The following LMO3 variants were observed in gnomAD, a reference collection of about 807,000 sequenced individuals.
The protein encoded by LMO3 is LIM domain only protein 3.
A neutral mutation model predicts 15.8 loss-of-function variants in LMO3; 2 were observed. The observed-to-expected ratio is 0.13, with a 90% CI of 0.05 to 0.40. The LOEUF (loss-of-function observed/expected upper bound fraction) is 0.40, where lower values mean the gene tolerates loss of function less well. LMO3 is among the 10% of genes least tolerant of loss of function. The probability of loss-of-function intolerance (pLI) is 0.99; values close to 1 mark genes in which losing one functional copy is unlikely to be tolerated. For missense variants in LMO3, 86 were observed against 182.2 expected (o/e 0.47, Z 3.04); for synonymous variants, 62 against 63.8 (o/e 0.97, Z 0.13).
At chr12:16,561,033 C>T (rs898896722) in intron 2 of LMO3, among the ~76,000 whole-genome samples, 4 of 152,106 alleles carry the variant, frequency 2.6e-5, no homozygotes, top group Non-Finnish European at 2.9e-5. Flanking sequence ...AACATAGAGG[C>T]GCATGCATGC....
chr12:16,552,283 G>C (rs1942017933), intron 3 of LMO3, among the ~76,000 whole-genome samples: 1 of 152,022 alleles, frequency 6.6e-6, no homozygotes, highest in Non-Finnish European at 1.5e-5. Context: ...GTCTGGTAGA[G>C]TTGACCCAGT....
chr12:16,557,432 T>C (rs1942233407), intron 3 of LMO3, among the ~76,000 whole-genome samples: 1 of 151,656 alleles, frequency 6.6e-6, no homozygotes, highest in African/African-American at 2.4e-5. Flanking sequence ...GAATGCGTAG[T>C]TTTGTAGATT....
intron 2 of LMO3, among the ~76,000 whole-genome samples, chr12:16,567,895 G>A (rs1007657870): frequency 2.0e-5 from 3 of 152,106 alleles, no homozygotes; most frequent in Admixed American, 6.5e-5. Context: ...CCTAAGATCC[G>A]CCAACCACTA....
Position 16,591,274 on chromosome 12 carries a change from T to A in LMO3, c.206+9381A>T, listed in dbSNP as rs1216370929. 6.6e-6 allele frequency among the ~76,000 whole-genome samples: 1 copy of A among 151,996 alleles called. No individual in the cohort carries two copies. The highest frequency in any genetic ancestry group is 1.5e-5 in the Non-Finnish European group (1 of 67,954). On this transcript the variant is annotated intron_variant, in intron 2 of 3. Coordinates refer to ENST00000537304, the MANE Select transcript of LMO3 (RefSeq NM_018640.5). The surrounding 1 kb of genome is among the most constrained non-coding windows in gnomAD (Gnocchi z 4.1). ...CCCACCTCAGGGCCTTTGTACTGGA[T>A]GTTCCTGAGCCCAGAATGTCCTTCC...
At position 16,591,793 on chromosome 12, in the gene LMO3, C is replaced by T. The variant is rs955622683; in HGVS notation, c.206+8862G>A. Among the ~76,000 whole-genome samples, 1 of 152,020 alleles carries T rather than the reference C, an allele frequency of 6.6e-6. No individual in the cohort carries two copies. The highest frequency in any genetic ancestry group is 1.5e-5 in the Non-Finnish European group (1 of 67,976). ...TGCACCCAAAATATAACCCGTGAAG[C>T]TCAAAGCTCAGCTTTCATAAGAGGA... is the stretch of plus-strand genomic sequence containing the variant. On this transcript the variant is annotated intron_variant, in intron 2 of 3. Coordinates refer to ENST00000537304, the MANE Select transcript of LMO3 (RefSeq NM_018640.5). The surrounding 1 kb of genome is among the most constrained non-coding windows in gnomAD (Gnocchi z 4.1).
chr12:16,608,086 T>G (rs1944061534), upstream of LMO3: 1 of 152,584 alleles, frequency 6.6e-6, no homozygotes, highest in Non-Finnish European at 1.5e-5. This position sits in a 1 kb window ranked among gnomAD's most constrained non-coding sequence, Gnocchi z 4.1. Context: ...TCCCCACTGT[T>G]CTACCCCACC....
chr12:16,558,211 A>G (rs1030973822), intron 3 of LMO3, among the ~76,000 whole-genome samples: 2 of 152,102 alleles, frequency 1.3e-5, no homozygotes, highest in African/African-American at 4.8e-5. Flanking sequence ...TTTGTCCTAT[A>G]GACATAGGAA....
Position 16,587,308 on chromosome 12 carries a change from C to G in LMO3, c.206+13347G>C, listed in dbSNP as rs564927055. Among the ~76,000 whole-genome samples the G allele has an allele frequency of 2.6e-5, 4 of 152,162 alleles. No individual in the cohort carries two copies. Among genetic ancestry groups the G allele is most frequent in the Non-Finnish European group, 5.9e-5 (4 of 68,018 alleles). ...AATGCTAACAATTTGTTACGCACTGCAGTGTTACAGCTTTCTAAATGGTAA... is the reference window on the plus strand; with the variant it reads ...AATGCTAACAATTTGTTACGCACTGGAGTGTTACAGCTTTCTAAATGGTAA... On this transcript the variant is annotated intron_variant, in intron 2 of 3. Coordinates refer to ENST00000537304, the MANE Select transcript of LMO3 (RefSeq NM_018640.5). This position sits in a 1 kb window ranked among gnomAD's most constrained non-coding sequence, Gnocchi z 4.3.
In LMO3 at chr12:16,562,345, T is replaced by C. The variant is rs1423271183; in HGVS notation, c.207-1807A>G. Reference sequence around the variant, plus strand: ...AAAAACTTAAAAGTTCTTTATTCAATGAATATAGATATACTTGTGTATATA... The same window carrying C: ...AAAAACTTAAAAGTTCTTTATTCAACGAATATAGATATACTTGTGTATATA... On this transcript the variant is annotated intron_variant, in intron 2 of 3. Coordinates refer to ENST00000537304, the MANE Select transcript of LMO3 (RefSeq NM_018640.5). Among the ~76,000 whole-genome samples, 3 of 152,224 alleles carry C rather than the reference T, an allele frequency of 2.0e-5. No homozygotes were observed. In the East Asian group the frequency reaches 5.8e-4, roughly 29 times the overall value.
chr12:16,569,652 A>G (rs866340368), intron 2 of LMO3, among the ~76,000 whole-genome samples: 6 of 152,210 alleles, frequency 3.9e-5, no homozygotes, highest in African/African-American at 4.8e-5. Flanking sequence ...TTGTACCAAC[A>G]TTTCATAGAA....
upstream of LMO3, chr12:16,610,071 C>CAAATGAAA (rs1944094417): frequency 6.6e-6 from 1 of 152,056 alleles, no homozygotes; most frequent in Non-Finnish European, 1.5e-5. Context: ...CATCACTCTT[C>CAAATGAAA]GAAATTCAGC....
At chr12:16,566,011 TATATATATATATATATA>T (rs1257253178) in intron 2 of LMO3, among the ~76,000 whole-genome samples, 1 of 76,732 alleles carries the variant, frequency 1.3e-5, no homozygotes, top group African/African-American at 4.6e-5. Context: ...TATATATATA[TATATATATATATATATA>T]TATATATATA....
chr12:16,575,130 A>G (rs1472457694), intron 2 of LMO3, among the ~76,000 whole-genome samples: 1 of 152,360 alleles, frequency 6.6e-6, no homozygotes, highest in Non-Finnish European at 1.5e-5. Context: ...CTTCCAAGTT[A>G]TAATCTAAAC....
upstream of LMO3, chr12:16,607,815 A>G (rs1293362821): frequency 1.3e-5 from 2 of 150,960 alleles, no homozygotes; most frequent in Non-Finnish European, 2.9e-5. Flanking sequence ...TTTTCTTCAT[A>G]AAGAATAAAG....
At position 16,597,198 on chromosome 12, in the gene LMO3, T is replaced by A. The variant is rs1259118581; in HGVS notation, c.206+3457A>T. Among the ~76,000 whole-genome samples, 3 of 151,730 alleles carry A rather than the reference T, an allele frequency of 2.0e-5. No individual in the cohort carries two copies. The highest frequency in any genetic ancestry group is 7.2e-5 in the African/African-American group (3 of 41,404). On this transcript the variant is annotated intron_variant, in intron 2 of 3. Coordinates refer to ENST00000537304, the MANE Select transcript of LMO3 (RefSeq NM_018640.5). The surrounding 1 kb of genome is among the most constrained non-coding windows in gnomAD (Gnocchi z 5.0). ...TCTGGAAAGTGAAAAATTCCACTGT[T>A]AAGATTTGATACTTAGTGTACAAAC...
At chr12:16,605,176 C>T in intron 1 of LMO3, 2 of 1,358,588 alleles carry the variant, frequency 1.5e-6, no homozygotes, top group East Asian at 2.8e-5. Flanking sequence ...CCTAACTCTG[C>T]CCGTAATCCT....
At chr12:16,565,059 A>G (rs537911044) in intron 2 of LMO3, among the ~76,000 whole-genome samples, 1 of 152,312 alleles carries the variant, frequency 6.6e-6, no homozygotes, top group South Asian at 2.1e-4. Flanking sequence ...CAAAGTTATC[A>G]AATTATAGTG....
chr12:16,595,950 GA>G (rs1943640364), intron 2 of LMO3, among the ~76,000 whole-genome samples: 1 of 151,128 alleles, frequency 6.6e-6, no homozygotes, highest in African/African-American at 2.4e-5. Flanking sequence ...GACAATGAAA[GA>G]AAAAAGAATG....
rs1359502983 is a variant in LMO3 at position 16,599,526 on chromosome 12, T to G, written c.206+1129A>C. The stretch of plus-strand genomic sequence containing the variant: ...ACACCTCATCAAATGACCAAGGTAC[T>G]AAAGGAGTTACCATTGATTGATAAA... On this transcript the variant is annotated intron_variant, in intron 2 of 3. Coordinates refer to ENST00000537304, the MANE Select transcript of LMO3 (RefSeq NM_018640.5). The surrounding 1 kb of genome is among the most constrained non-coding windows in gnomAD (Gnocchi z 4.1). 1 of 152,186 alleles carries G rather than the reference T, an allele frequency of 6.6e-6. No homozygotes were observed. Among genetic ancestry groups the G allele is most frequent in the East Asian group, 1.9e-4 (1 of 5,196 alleles). 9.4% of individuals were successfully genotyped at this position (152,186 alleles called of 1,614,324 possible). A position where few individuals can be genotyped will look rare whatever the true frequency, so the allele number is the denominator to read the frequency against.
Sources: allele counts gnomAD v4.1 joint callset (sites outside exome capture counted in the v4.1 genomes callset), GRCh38; gene constraint gnomAD v4.1.1; non-coding constraint Gnocchi (gnomAD v3.1); transcripts MANE v1.5; gene names NCBI Gene and HGNC (gene_info 2026-07-23, HGNC 2026-07-21).